Variants in SBF2 observed in about 807,000 individuals in gnomAD.
The protein encoded by SBF2 is myotubularin-related protein 13.
A neutral mutation model predicts 225.2 loss-of-function variants in SBF2; 112 were observed. The ratio of observed to expected loss-of-function variants is 0.50; its 90% confidence interval spans 0.43 to 0.58. The LOEUF is 0.58. SBF2 is among the 20% of genes least tolerant of loss of function. SBF2 has a pLI of 0.00. For synonymous variants in SBF2, 763 were observed against 773.3 expected (o/e 0.99, Z 0.22); for missense variants, 1,996 against 2,206.2 (o/e 0.90, Z 1.91).
intron 17 of SBF2, among the ~76,000 whole-genome samples, chr11:9,864,823 T>C (rs1311601862): frequency 6.6e-6 from 1 of 152,226 alleles, no homozygotes; most frequent in African/African-American, 2.4e-5. Context: ...TCCAAGACTG[T>C]TGTCAAGTCC....
chr11:10,263,085 T>G (rs979793359), intron 1 of SBF2, among the ~76,000 whole-genome samples: 1 of 152,028 alleles, frequency 6.6e-6, no homozygotes, highest in African/African-American at 2.4e-5. Flanking sequence ...ACAATATACA[T>G]TTAGAATCTT....
chr11:10,078,728 C>T (rs756832460), intron 2 of SBF2, among the ~76,000 whole-genome samples: 6 of 151,910 alleles, frequency 3.9e-5, no homozygotes, highest in South Asian at 2.1e-4. Flanking sequence ...CGTATACCTA[C>T]GTAACAAACC....
intron 33 of SBF2, among the ~76,000 whole-genome samples, chr11:9,793,012 A>C (rs1277774998): frequency 1.3e-5 from 2 of 148,478 alleles, no homozygotes; most frequent in Non-Finnish European, 3.0e-5. Flanking sequence ...CCTGGGGCTC[A>C]AGCAAGCCGC....
intron 19 of SBF2, among the ~76,000 whole-genome samples, chr11:9,854,959 T>C (rs937748593): frequency 1.3e-5 from 2 of 152,104 alleles, no homozygotes; most frequent in South Asian, 2.1e-4. Flanking sequence ...TCACTGGCAA[T>C]GGAGAATGGA....
chr11:10,163,355 G>A (rs1321673220), intron 2 of SBF2, among the ~76,000 whole-genome samples: 1 of 152,046 alleles, frequency 6.6e-6, no homozygotes, highest in African/African-American at 2.4e-5. Flanking sequence ...AGTTTCAGAG[G>A]GCAAAGGTGG....
chr11:9,935,728 T>C (rs976025291), intron 16 of SBF2, among the ~76,000 whole-genome samples: 1 of 152,190 alleles, frequency 6.6e-6, no homozygotes, highest in Admixed American at 6.5e-5. Context: ...ATTTAATAAA[T>C]GGTGCTGGGA....
Position 9,780,382 on chromosome 11 carries a change from T to C in SBF2, c.*36A>G. ...TTTTCTATCTATCTGGCAGCATGAG[T>C]TCTTCTGTTTCTTCTGCGTGGGTTG... On this transcript the variant is annotated 3_prime_UTR_variant, in exon 40 of 40. Coordinates refer to ENST00000256190, the MANE Select transcript of SBF2 (RefSeq NM_030962.4). The C allele has an allele frequency of 6.5e-7, 1 of 1,538,828 alleles. No homozygotes were observed. The highest frequency in any genetic ancestry group is 9.0e-7 in the Non-Finnish European group (1 of 1,112,518).
chr11:10,172,939 A>G (rs1956267141), intron 2 of SBF2, among the ~76,000 whole-genome samples: 1 of 152,202 alleles, frequency 6.6e-6, no homozygotes, highest in African/African-American at 2.4e-5. Context: ...AAGTGCTGGG[A>G]CTACAGGCAT....
chr11:9,854,403 C>T (rs1857169829), intron 19 of SBF2, among the ~76,000 whole-genome samples: 3 of 152,094 alleles, frequency 2.0e-5, no homozygotes, highest in Admixed American at 2.0e-4. Context: ...ACTGTTCAAC[C>T]CATCAGACTC....
intron 2 of SBF2, among the ~76,000 whole-genome samples, chr11:10,183,693 C>T (rs1465735167): frequency 2.0e-5 from 3 of 152,120 alleles, no homozygotes; most frequent in Non-Finnish European, 2.9e-5. Flanking sequence ...ATTAGCAACT[C>T]GGTCCAAAAA....
rs1948346206 is a variant in SBF2 at position 10,009,441 on chromosome 11, G to A, written c.620-6752C>T. On this transcript the variant is annotated intron_variant, in intron 6 of 39. Coordinates refer to ENST00000256190, the MANE Select transcript of SBF2 (RefSeq NM_030962.4). ...CACCCCCTGACAGGCCCTGGTGTGT[G>A]ATGTTCCCCTCCCTGTGTCCATGTG... 2.6e-5 allele frequency among the ~76,000 whole-genome samples: 4 copies of A among 151,878 alleles called. 1 individual carries two copies. In the South Asian group the frequency reaches 8.3e-4, roughly 32 times the overall value.
intron 2 of SBF2, among the ~76,000 whole-genome samples, chr11:10,159,020 C>A (rs1434925403): frequency 6.6e-6 from 1 of 151,046 alleles, no homozygotes; most frequent in African/African-American, 2.4e-5. Context: ...TATGTCAAGT[C>A]CACCAGTAAC....
intron 17 of SBF2, among the ~76,000 whole-genome samples, chr11:9,882,557 C>G (rs1304895091): frequency 6.6e-6 from 1 of 152,040 alleles, no homozygotes; most frequent in Non-Finnish European, 1.5e-5. Flanking sequence ...GTCTGTAATC[C>G]CAGCACTTTG....
At chr11:10,070,140 G>T (rs958725524) in intron 2 of SBF2, among the ~76,000 whole-genome samples, 38 of 151,976 alleles carry the variant, frequency 2.5e-4, no homozygotes, top group Middle Eastern at 3.4e-3. Context: ...TCTTTTGCTG[G>T]GCAGAAGCTC....
At chr11:10,099,880 A>T (rs1474442607) in intron 2 of SBF2, among the ~76,000 whole-genome samples, 1 of 152,180 alleles carries the variant, frequency 6.6e-6, no homozygotes, top group Admixed American at 6.5e-5. Flanking sequence ...AAATCAAAGT[A>T]TGCCACTATA....
chr11:10,168,283 C>T (rs527773763), intron 2 of SBF2, among the ~76,000 whole-genome samples: 1 of 152,198 alleles, frequency 6.6e-6, no homozygotes, highest in South Asian at 2.1e-4. Context: ...TCTATCATTG[C>T]TAAATATTCA....
chr11:9,859,169 G>C (rs1564924326), intron 17 of SBF2, among the ~76,000 whole-genome samples: 1 of 152,148 alleles, frequency 6.6e-6, no homozygotes, highest in Admixed American at 6.6e-5. Context: ...AGTTTGTTTA[G>C]TTCCAAAACC....
At chr11:10,099,250 A>G (rs1952177956) in intron 2 of SBF2, among the ~76,000 whole-genome samples, 1 of 152,190 alleles carries the variant, frequency 6.6e-6, no homozygotes. Flanking sequence ...AAGAAACACC[A>G]ATTAGCCTAT....
intron 16 of SBF2, among the ~76,000 whole-genome samples, chr11:9,900,207 A>C (rs1861617209): frequency 6.6e-6 from 1 of 152,202 alleles, no homozygotes; most frequent in African/African-American, 2.4e-5. Flanking sequence ...AATCCTATGA[A>C]AGAATTCCAA....
Sources: gnomAD v4.1 joint callset for allele counts (sites outside exome capture counted in the v4.1 genomes callset) on GRCh38, gnomAD v4.1.1 for gene constraint, MANE v1.5 for transcripts, NCBI Gene and HGNC (gene_info 2026-07-23, HGNC 2026-07-21) for gene names.